Variants in CD36 observed in about 807,000 individuals in gnomAD.
CD36 encodes the protein CD36 molecule (CD36 blood group).
A neutral mutation model predicts 55.2 loss-of-function variants in CD36; 119 were observed. That is an observed-to-expected ratio of 2.15 (90% CI 1.86 to 2.51). CD36 has a LOEUF of 2.51. Ranked by LOEUF, CD36 falls within the 30% of genes most tolerant of loss-of-function variation. The probability of loss-of-function intolerance (pLI) is 0.00; values close to 1 mark genes in which losing one functional copy is unlikely to be tolerated. For missense variants in CD36, 819 were observed against 555.5 expected (o/e 1.47, Z -4.77); for synonymous variants, 186 against 193.6 (o/e 0.96, Z 0.33).
At chr7:80,664,826 C>T (rs1228939391) in intron 7 of CD36, among the ~76,000 whole-genome samples, 1 of 137,612 alleles carries the variant, frequency 7.3e-6, no homozygotes, top group Non-Finnish European at 1.6e-5. Context: ...ATTATTCTTA[C>T]AATTAGATAA....
chr7:80,610,876 T>G (rs954745235), intron 1 of CD36, among the ~76,000 whole-genome samples: 2 of 150,198 alleles, frequency 1.3e-5, no homozygotes, highest in Non-Finnish European at 3.0e-5. Flanking sequence ...CCCAGCCAGA[T>G]TTTTTTATTT....
At position 80,620,461 on chromosome 7, in the gene CD36, A is replaced by C. The variant is rs1793402383; in HGVS notation, c.-184+18082A>C. On this transcript the variant is annotated intron_variant, in intron 1 of 13. Coordinates refer to the CD36 transcript ENST00000309881. ...TTACCAGTTTATTATAAAGGATACA[A>C]ATGAAGAGATGGATCAGGTAAGGTA... Among the ~76,000 whole-genome samples the C allele has an allele frequency of 1.3e-5, 2 of 152,132 alleles. 1 individual carries two copies. The highest frequency in any genetic ancestry group is 4.1e-4 in the South Asian group (2 of 4,832).
Position 80,677,770 on chromosome 7 carries a change from A to AACTT in CD36, c.*1388_*1391dup, listed in dbSNP as rs1267948482. On this transcript the variant is annotated 3_prime_UTR_variant, in exon 15 of 15. Coordinates refer to ENST00000447544, the MANE Select transcript of CD36 (RefSeq NM_001001548.3). ...GTAGGGCTGAGTTATATAATGTAGAAACTTCTAAAGATAATTGGATGAGAA... is the reference window on the plus strand; with the variant it reads ...GTAGGGCTGAGTTATATAATGTAGAAACTTACTTCTAAAGATAATTGGATGAGAA... The AACTT allele has an allele frequency of 1.3e-5, 2 of 152,184 alleles. No homozygotes were observed. The highest frequency in any genetic ancestry group is 3.9e-4 in the East Asian group (2 of 5,182). 9.4% of individuals were successfully genotyped at this position (152,184 alleles called of 1,614,324 possible).
At position 80,674,139 on chromosome 7, in the gene CD36, A is replaced by T. The variant is rs530422035; in HGVS notation, c.1411A>T (p.Ile471Leu). Residue 471 changes from isoleucine (I) to leucine (L), a missense_variant, in exon 14 of 15, where the codon ATA becomes TTA. Physicochemically the swap from Ile to Leu is conservative, Grantham distance 5. Coordinates refer to ENST00000447544, the MANE Select transcript of CD36 (RefSeq NM_001001548.3). ...ATATTGTGCATGCAGATCGAAAACA[A>T]TAAAATAAGTAAGTATGTACCAAAA... Reference protein sequence around the residue: ...ISYCACRSKTIK With the variant: ...ISYCACRSKTLK 1 of 1,609,384 alleles carries T rather than the reference A, an allele frequency of 6.2e-7. No homozygotes were observed. The highest frequency in any genetic ancestry group is 1.3e-5 in the African/African-American group (1 of 74,772).
intron 9 of CD36, 71 bp downstream of exon 9, chr7:80,670,093 TA>T: frequency 1.1e-6 from 1 of 886,928 alleles, no homozygotes; most frequent in South Asian, 1.3e-5. Flanking sequence ...CCAAGAAACT[TA>T]AACACAGCAT....
chr7:80,661,390 C>G (rs1252579017), intron 5 of CD36, among the ~76,000 whole-genome samples, 180 bp downstream of exon 5: 1 of 152,152 alleles, frequency 6.6e-6, no homozygotes, highest in Non-Finnish European at 1.5e-5. Context: ...TAAGAATCGA[C>G]TGCATTAGAA....
intron 1 of CD36, among the ~76,000 whole-genome samples, chr7:80,616,421 CTGTGTGTG>C (rs143980767): frequency 5.5e-5 from 8 of 145,524 alleles, no homozygotes; most frequent in South Asian, 2.2e-4. Context: ...TGGGGACCAT[CTGTGTGTG>C]TGTGTGTGTG....
At chr7:80,657,205 C>T (rs1400670691) in intron 4 of CD36, among the ~76,000 whole-genome samples, 1 of 152,154 alleles carries the variant, frequency 6.6e-6, no homozygotes, top group African/African-American at 2.4e-5. Flanking sequence ...ATCCCTCCAC[C>T]CCATCCCAGA....
chr7:80,607,189 A>G (rs1195567560), intron 1 of CD36, among the ~76,000 whole-genome samples: 1 of 152,194 alleles, frequency 6.6e-6, no homozygotes, highest in Non-Finnish European at 1.5e-5. Context: ...ACTTCTGTAC[A>G]TAGTAACAGC....
rs1792285972 is a variant in CD36 at position 80,602,357 on chromosome 7, A to C, written c.-206A>C. On this transcript the variant is annotated 5_prime_UTR_variant, in exon 1 of 14. Coordinates refer to the CD36 transcript ENST00000309881. ...CCAGTCTTGAGGTCCTACATCTCCG[A>C]AAGCAAGCTCTTCTAGAAGTTGGTG... 1.3e-5 allele frequency: 2 copies of C among 152,128 alleles called. No homozygotes were observed. The highest frequency in any genetic ancestry group is 2.1e-4 in the South Asian group (1 of 4,828). 9.4% of individuals were successfully genotyped at this position (152,128 alleles called of 1,614,324 possible). A position where few individuals can be genotyped will look rare whatever the true frequency, so the allele number is the denominator to read the frequency against.
chr7:80,609,832 G>A (rs749476301), intron 1 of CD36, among the ~76,000 whole-genome samples: 9 of 152,230 alleles, frequency 5.9e-5, no homozygotes, highest in African/African-American at 2.4e-5. Context: ...AAAAGCCTGA[G>A]TTAGTATTTG....
chr7:80,668,302 A>G (rs1797314534), intron 8 of CD36, among the ~76,000 whole-genome samples: 1 of 152,182 alleles, frequency 6.6e-6, no homozygotes, highest in African/African-American at 2.4e-5. Flanking sequence ...GATGTTAAAA[A>G]TATCTATGGG....
chr7:80,628,471 A>G (rs1312838571), intron 1 of CD36, among the ~76,000 whole-genome samples: 1 of 152,040 alleles, frequency 6.6e-6, no homozygotes, highest in Non-Finnish European at 1.5e-5. Flanking sequence ...TTATATTAAT[A>G]TCTATATTTG....
chr7:80,666,664 T>A (rs563185669), intron 8 of CD36, among the ~76,000 whole-genome samples, 175 bp downstream of exon 8: 1 of 152,348 alleles, frequency 6.6e-6, no homozygotes, highest in African/African-American at 2.4e-5. Flanking sequence ...TTCAATGTGA[T>A]GGGATTTGTA....
intron 7 of CD36, 119 bp from the exon 8 acceptor site, chr7:80,666,324 T>G (rs1797087331): frequency 1.4e-6 from 1 of 729,334 alleles, no homozygotes; most frequent in Non-Finnish European, 2.4e-6. Context: ...TTAAACTTAG[T>G]ACTTGTCACA....
chr7:80,641,995 G>A (rs1039536861), intron 1 of CD36, among the ~76,000 whole-genome samples: 1 of 151,770 alleles, frequency 6.6e-6, no homozygotes, highest in Admixed American at 6.6e-5. Flanking sequence ...TGACCCAACG[G>A]AATAGGGTCC....
intron 12 of CD36, chr7:80,673,135 A>G: frequency 1.9e-6 from 1 of 515,456 alleles, no homozygotes; most frequent in South Asian, 3.0e-5. Flanking sequence ...CCGAGAATTT[A>G]TTGAAAGGAA....
chr7:80,617,806 A>C (rs1423830922), intron 1 of CD36, among the ~76,000 whole-genome samples: 1 of 151,996 alleles, frequency 6.6e-6, no homozygotes, highest in Non-Finnish European at 1.5e-5. Flanking sequence ...TCTATTTCTC[A>C]CTTGACTATG....
intron 1 of CD36, among the ~76,000 whole-genome samples, chr7:80,643,423 T>G (rs181456840): frequency 5.9e-5 from 9 of 152,304 alleles, no homozygotes; most frequent in Admixed American, 2.0e-4. Context: ...TCCAGAGAGA[T>G]AACTTAATCC....
Sources: gnomAD v4.1 joint callset for allele counts (sites outside exome capture counted in the v4.1 genomes callset) on GRCh38, gnomAD v4.1.1 for gene constraint, MANE v1.5 for transcripts, NCBI Gene and HGNC (gene_info 2026-07-23, HGNC 2026-07-21) for gene names.